The following DIAPH2 variants were observed in gnomAD, a reference collection of about 807,000 sequenced individuals.
The protein encoded by DIAPH2 is protein diaphanous homolog 2.
In DIAPH2, 35 loss-of-function variants were observed where a neutral mutation model predicts 92.7. The observed-to-expected ratio is 0.38, with a 90% CI of 0.29 to 0.50. DIAPH2 has a LOEUF of 0.50. DIAPH2 is among the 20% of genes least tolerant of loss of function. DIAPH2 has a pLI of 0.94. For missense variants in DIAPH2, 701 were observed against 819.5 expected, an observed-to-expected ratio of 0.86 and a Z score of 1.77; for synonymous variants, 301 against 280.4, an observed-to-expected ratio of 1.07 and a Z score of -0.73.
chrX:97,076,418 G>A (rs2066704919), intron 19 of DIAPH2, among the ~76,000 whole-genome samples: 1 of 110,872 alleles, frequency 9.0e-6, no homozygotes, highest in South Asian at 3.9e-4. Flanking sequence ...TGTAATCCCA[G>A]CTACTCAGGA....
intron 1 of DIAPH2, among the ~76,000 whole-genome samples, chrX:96,735,235 A>C (rs931898798): frequency 8.9e-6 from 1 of 112,120 alleles, no homozygotes; most frequent in Non-Finnish European, 1.9e-5. Context: ...TTATAAGGAT[A>C]GTTTTTAAAA....
chrX:97,357,010 A>C (rs1233432832), intron 24 of DIAPH2, among the ~76,000 whole-genome samples: 2 of 112,010 alleles, frequency 1.8e-5, no homozygotes, highest in Non-Finnish European at 3.8e-5. Flanking sequence ...TTTTCCTATT[A>C]AAGTCTAATA....
At chrX:96,883,792 T>C (rs1202509386) in intron 5 of DIAPH2, 1 of 116,213 alleles carries the variant, frequency 8.6e-6, no homozygotes, top group Non-Finnish European at 1.8e-5. Context: ...CTCTACCGTT[T>C]TGCCAAGCAC....
At chrX:97,031,912 A>G (rs1038945528) in intron 17 of DIAPH2, among the ~76,000 whole-genome samples, 2 of 111,738 alleles carry the variant, frequency 1.8e-5, no homozygotes, top group Non-Finnish European at 3.8e-5. Context: ...AATTCTAGAC[A>G]CAATGAGAGT....
chrX:97,288,059 A>T (rs765910098), intron 23 of DIAPH2, among the ~76,000 whole-genome samples: 114 of 110,877 alleles, frequency 1.0e-3, no homozygotes, highest in Non-Finnish European at 1.8e-3. Context: ...TGTTTGACTG[A>T]AAGAGTCTAG....
chrX:96,974,636 T>C (rs2065949232), intron 17 of DIAPH2, among the ~76,000 whole-genome samples: 1 of 111,826 alleles, frequency 8.9e-6, no homozygotes, highest in Admixed American at 9.5e-5. Context: ...GAGAATATCC[T>C]GTTAGTAGCT....
At chrX:97,030,521 A>G (rs2066366317) in intron 17 of DIAPH2, among the ~76,000 whole-genome samples, 1 of 111,586 alleles carries the variant, frequency 9.0e-6, no homozygotes, top group Non-Finnish European at 1.9e-5. Context: ...GTAATCTAAT[A>G]TGACAGTATT....
chrX:97,423,174 T>C (rs2070027279), intron 25 of DIAPH2, among the ~76,000 whole-genome samples: 1 of 111,234 alleles, frequency 9.0e-6, no homozygotes, highest in Non-Finnish European at 1.9e-5. Flanking sequence ...CCTGACATTT[T>C]TCCTAGAGGG....
chrX:97,428,837 C>T (rs1019395531), intron 25 of DIAPH2, among the ~76,000 whole-genome samples: 1 of 111,927 alleles, frequency 8.9e-6, no homozygotes, highest in Non-Finnish European at 1.9e-5. Context: ...TGGCCATTGA[C>T]ACCTTGAGAC....
At chrX:96,841,968 G>C (rs1170691725) in intron 4 of DIAPH2, among the ~76,000 whole-genome samples, 2 of 111,309 alleles carry the variant, frequency 1.8e-5, no homozygotes, top group Non-Finnish European at 3.8e-5. Context: ...GGTGCTCAGT[G>C]GGGGAGCTTT....
chrX:96,721,257 T>A (rs1204768504), intron 1 of DIAPH2, among the ~76,000 whole-genome samples: 1 of 112,207 alleles, frequency 8.9e-6, no homozygotes, highest in East Asian at 2.8e-4. Flanking sequence ...GTCATGTAAT[T>A]TAAATAAATA....
chrX:97,221,111 T>G, intron 22 of DIAPH2, among the ~76,000 whole-genome samples: 1 of 50,380 alleles, frequency 2.0e-5, no homozygotes, highest in South Asian at 2.0e-3. Context: ...TAGATGAATT[T>G]TTGTTTTCCA....
intron 17 of DIAPH2, among the ~76,000 whole-genome samples, chrX:97,024,694 A>G (rs1489118101): frequency 1.8e-5 from 2 of 112,477 alleles, no homozygotes; most frequent in Middle Eastern, 4.6e-3. Context: ...AGGTAAAGAA[A>G]CAAAGCAACT....
At chrX:97,061,763 G>A (rs978307190) in intron 17 of DIAPH2, among the ~76,000 whole-genome samples, 2 of 94,928 alleles carry the variant, frequency 2.1e-5, no homozygotes, top group Non-Finnish European at 2.0e-5. Context: ...GCAGTAGGCC[G>A]AGATCGCACC....
chrX:97,372,253 C>A (rs189631888), intron 24 of DIAPH2, among the ~76,000 whole-genome samples: 1 of 111,810 alleles, frequency 8.9e-6, no homozygotes, highest in Non-Finnish European at 1.9e-5. Flanking sequence ...GGTGCATGAC[C>A]GCTTTGTAAC....
chrX:97,599,288 C>T lies in DIAPH2; in HGVS notation c.3277C>T (p.Arg1093Cys), dbSNP rs1395135708. 3.4e-6 allele frequency: 4 copies of T among 1,192,531 alleles called. No homozygotes were observed. In the East Asian group the frequency reaches 9.1e-5, roughly 27 times the overall value. Residue 1093 changes from arginine (R) to cysteine (C), a missense_variant, in exon 27 of 27, where the codon CGC becomes TGC. Arg to Cys is a radical substitution (Grantham distance 180). This residue lies in a region of DIAPH2 where 536 missense variants were observed against 599.3 expected (regional missense o/e 0.89). Coordinates refer to ENST00000324765, the MANE Select transcript of DIAPH2 (RefSeq NM_006729.5). ...RRVPLERSRS[R>C]HNGAISSK ...AGTACCTTTGGAAAGGTCACGCTCTCGCCACAATGGAGCTATCTCATCTAA... is the reference window on the plus strand; with the variant it reads ...AGTACCTTTGGAAAGGTCACGCTCTTGCCACAATGGAGCTATCTCATCTAA...
chrX:96,932,452 T>C (rs774655658), intron 10 of DIAPH2, among the ~76,000 whole-genome samples: 16 of 110,681 alleles, frequency 1.4e-4, no homozygotes, highest in African/African-American at 5.2e-4. Flanking sequence ...TTTTGCACTT[T>C]TGTCTGGGTA....
In DIAPH2 at chrX:96,997,882, T is replaced by A. The variant is rs780374610; in HGVS notation, c.2050+32675T>A. Among the ~76,000 whole-genome samples, 3 of 112,411 alleles carry A rather than the reference T, an allele frequency of 2.7e-5. No homozygotes were observed. The South Asian group carries it at 1.1e-3, about 41-fold the overall frequency. ...ATGTCACACTTTTAATATTCCTTAT[T>A]TGAAAAGATATTTCAGTGGATAGCA... On this transcript the variant is annotated intron_variant, in intron 17 of 26. Coordinates refer to ENST00000324765, the MANE Select transcript of DIAPH2 (RefSeq NM_006729.5).
At chrX:97,472,063 T>C (rs1202688747) in intron 26 of DIAPH2, among the ~76,000 whole-genome samples, 1 of 112,326 alleles carries the variant, frequency 8.9e-6, no homozygotes, top group Non-Finnish European at 1.9e-5. Flanking sequence ...TCTAAACACT[T>C]GTAGCTGAAT....
Sources: gnomAD v4.1 joint callset for allele counts (sites outside exome capture counted in the v4.1 genomes callset) on GRCh38, gnomAD v4.1.1 for gene constraint, gnomAD v4.1.1 regional missense constraint, MANE v1.5 for transcripts, NCBI Gene and HGNC (gene_info 2026-07-23, HGNC 2026-07-21) for gene names.